The following LRRC37A2 variants were observed in gnomAD, a reference collection of about 807,000 sequenced individuals.
LRRC37A2 encodes leucine-rich repeat-containing protein 37A2.
LRRC37A2 carries 9 observed loss-of-function variants against 68.8 expected under a neutral mutation model. That is an observed-to-expected ratio of 0.13 (90% confidence interval 0.08 to 0.23). LRRC37A2 has a LOEUF of 0.23. Among genes scored for constraint, LRRC37A2 ranks in the 10% least tolerant of loss-of-function variants. The pLI is 1.00. For missense variants in LRRC37A2, 168 were observed against 950.4 expected (o/e 0.18, Z 10.82); for synonymous variants, 63 against 367.6 (o/e 0.17, Z 9.48).
the LRRC37A2 span, among the ~76,000 whole-genome samples, chr17:46,855,842 G>A: frequency 6.6e-6 from 1 of 152,032 alleles, no homozygotes; most frequent in Admixed American, 6.6e-5. Flanking sequence ...GAGATTGCAG[G>A]CATGTGCCAC....
chr17:47,047,986 T>G, the LRRC37A2 span, among the ~76,000 whole-genome samples: 2 of 151,506 alleles, frequency 1.3e-5, no homozygotes, highest in Non-Finnish European at 2.9e-5. Context: ...CTACCAGTGA[T>G]ATGGGGTGGA....
the LRRC37A2 span, among the ~76,000 whole-genome samples, chr17:46,796,953 C>G: frequency 6.6e-6 from 1 of 152,132 alleles, no homozygotes; most frequent in Non-Finnish European, 1.5e-5. Flanking sequence ...AATAAGACCA[C>G]AAAACCAAAC....
chr17:46,976,320 G>A, the LRRC37A2 span, among the ~76,000 whole-genome samples: 1 of 151,192 alleles, frequency 6.6e-6, no homozygotes, highest in East Asian at 2.0e-4. Context: ...ATCACCTGAG[G>A]TCAGGAGTTC....
chr17:46,769,040 T>C, the LRRC37A2 span, among the ~76,000 whole-genome samples: 3 of 151,904 alleles, frequency 2.0e-5, no homozygotes, highest in Non-Finnish European at 4.4e-5. Context: ...GAAATACGAG[T>C]TGTTGCCCAG....
the LRRC37A2 span, among the ~76,000 whole-genome samples, chr17:46,761,863 T>A: frequency 6.6e-6 from 1 of 152,198 alleles, no homozygotes; most frequent in Admixed American, 6.5e-5. Context: ...TTCCAGTGGG[T>A]CCTGTGAAGT....
At chr17:46,463,970 C>T in the LRRC37A2 span, among the ~76,000 whole-genome samples, 164 of 62,116 alleles carry the variant, frequency 2.6e-3, 4 homozygotes, top group African/African-American at 0.01. Context: ...TATAGCAATC[C>T]TCTTAGTGCT....
chr17:46,808,953 T>A, the LRRC37A2 span, among the ~76,000 whole-genome samples: 1 of 152,172 alleles, frequency 6.6e-6, no homozygotes, highest in Non-Finnish European at 1.5e-5. Context: ...GTTAGCTACA[T>A]GACCTGAGCC....
the LRRC37A2 span, among the ~76,000 whole-genome samples, chr17:46,734,626 A>G: frequency 2.6e-5 from 4 of 152,206 alleles, no homozygotes; most frequent in African/African-American, 9.7e-5. Flanking sequence ...AAGATAATGT[A>G]TAGTGAATGT....
chr17:46,622,681 T>G, the LRRC37A2 span, among the ~76,000 whole-genome samples: 3 of 142,064 alleles, frequency 2.1e-5, no homozygotes, highest in Non-Finnish European at 3.0e-5. Flanking sequence ...TGCTGAGGCA[T>G]GAGAATCGCT....
the LRRC37A2 span, chr17:46,935,002 A>T: frequency 1.2e-6 from 2 of 1,607,726 alleles, no homozygotes; most frequent in Non-Finnish European, 1.7e-6. Flanking sequence ...AAGCAAAGTT[A>T]ATCAAGTGCC....
At chr17:46,759,990 A>G in the LRRC37A2 span, among the ~76,000 whole-genome samples, 4 of 152,226 alleles carry the variant, frequency 2.6e-5, no homozygotes, top group Non-Finnish European at 5.9e-5. Context: ...AAGACTGGGC[A>G]GGGTGTGATG....
chr17:47,037,885 C>G, the LRRC37A2 span, among the ~76,000 whole-genome samples: 1 of 152,200 alleles, frequency 6.6e-6, no homozygotes, highest in Non-Finnish European at 1.5e-5. Context: ...ATGTGTCTTT[C>G]ATCCAGCTTA....
the LRRC37A2 span, chr17:47,019,105 C>T: frequency 9.4e-6 from 12 of 1,278,458 alleles, no homozygotes; most frequent in Non-Finnish European, 1.4e-5. Context: ...ATAGTTTCTC[C>T]AAAGCATCCT....
chr17:47,026,574 C>T, the LRRC37A2 span, among the ~76,000 whole-genome samples: 1,284 of 152,126 alleles, frequency 8.4e-3, 28 homozygotes, highest in African/African-American at 0.03. Context: ...TGACTGTGTG[C>T]AGGATAGTTT....
chr17:46,516,275 C>T (rs1248324394), intron 2 of LRRC37A2, among the ~76,000 whole-genome samples: 1 of 125,020 alleles, frequency 8.0e-6, no homozygotes, highest in South Asian at 2.5e-4. Flanking sequence ...TGCACTCCAG[C>T]CTGGGCGACA....
the LRRC37A2 span, chr17:46,964,172 G>C: frequency 5.9e-5 from 9 of 152,226 alleles, no homozygotes; most frequent in East Asian, 1.5e-3. Context: ...CAGGTGTTAG[G>C]GACCATCTTA....
the LRRC37A2 span, among the ~76,000 whole-genome samples, chr17:46,789,892 C>T: frequency 6.6e-6 from 1 of 152,196 alleles, no homozygotes; most frequent in African/African-American, 2.4e-5. Flanking sequence ...GCAACGATTC[C>T]ACTCTCTACC....
chr17:46,585,295 G>A, the LRRC37A2 span, among the ~76,000 whole-genome samples: 1 of 137,870 alleles, frequency 7.3e-6, no homozygotes, highest in East Asian at 2.0e-4. Flanking sequence ...TCCAGCCTGG[G>A]CAACAGAGCA....
chr17:46,708,965 C>A, the LRRC37A2 span, among the ~76,000 whole-genome samples: 1 of 150,994 alleles, frequency 6.6e-6, no homozygotes, highest in African/African-American at 2.4e-5. Flanking sequence ...GCTAGGACTG[C>A]AGGCTTGCGC....
Sources: gnomAD v4.1 joint callset for allele counts (sites outside exome capture counted in the v4.1 genomes callset) on GRCh38, gnomAD v4.1.1 for gene constraint, MANE v1.5 for transcripts, NCBI Gene and HGNC (gene_info 2026-07-23, HGNC 2026-07-21) for gene names.